Variants in DYNC2H1 observed in about 807,000 individuals in gnomAD.
The protein encoded by DYNC2H1 is dynein cytoplasmic 2 heavy chain 1.
In DYNC2H1, 410 loss-of-function variants were observed where a neutral mutation model predicts 570.0. The observed-to-expected ratio is 0.72, with a 90% CI of 0.66 to 0.78. DYNC2H1 has a LOEUF of 0.78. DYNC2H1 is among the 30% of genes least tolerant of loss of function. The probability of loss-of-function intolerance (pLI) is 0.00; values close to 1 mark genes in which losing one functional copy is unlikely to be tolerated. For missense variants in DYNC2H1, 4,865 were observed against 5,046.4 expected (o/e 0.96, Z 1.09); for synonymous variants, 1,688 against 1,677.6 (o/e 1.01, Z -0.15).
At position 103,170,351 on chromosome 11, in the gene DYNC2H1, A is replaced by G. The variant is rs2134964643; in HGVS notation, c.5151+61A>G. On this transcript the variant is annotated intron_variant, in intron 33 of 88. Transcript: ENST00000375735. The surrounding 1 kb of genome is among the most constrained non-coding windows in gnomAD (Gnocchi z 4.8). ...GTTAATCATATTTAGATTAGTTTCT[A>G]TTAGTATATGAAATACTCTACTTAA... 7.1e-7 allele frequency: 1 copy of G among 1,410,104 alleles called. No individual in the cohort carries two copies. Among genetic ancestry groups the G allele is most frequent in the Non-Finnish European group, 9.4e-7 (1 of 1,060,162 alleles). 87.3% of individuals were successfully genotyped at this position (1,410,104 alleles called of 1,614,324 possible). A position where few individuals can be genotyped will look rare whatever the true frequency, so the allele number is the denominator to read the frequency against.
chr11:103,386,941 A>T (rs1465530039), intron 83 of DYNC2H1, among the ~76,000 whole-genome samples: 1 of 151,706 alleles, frequency 6.6e-6, no homozygotes, highest in Admixed American at 6.6e-5. Context: ...TGCTATTGTG[A>T]ATAGTGCAGC....
chr11:103,350,997 T>C (rs1315445856), intron 82 of DYNC2H1, among the ~76,000 whole-genome samples: 1 of 152,152 alleles, frequency 6.6e-6, no homozygotes, highest in Non-Finnish European at 1.5e-5. Flanking sequence ...TTTCTAATAT[T>C]CCCAGTGCTT....
At chr11:103,416,638 C>T (rs1943293711) in intron 84 of DYNC2H1, among the ~76,000 whole-genome samples, 1 of 152,198 alleles carries the variant, frequency 6.6e-6, no homozygotes. Flanking sequence ...CCCTTCCTTA[C>T]ACCTTATACA....
chr11:103,275,486 C>A lies in DYNC2H1; in HGVS notation c.10696-4862C>A, dbSNP rs1042128489. 6.6e-6 allele frequency among the ~76,000 whole-genome samples: 1 copy of A among 152,150 alleles called. No homozygotes were observed. The highest frequency in any genetic ancestry group is 1.5e-5 in the Non-Finnish European group (1 of 68,030). On this transcript the variant is annotated intron_variant, in intron 70 of 88. Coordinates refer to ENST00000375735, the MANE Select transcript of DYNC2H1 (RefSeq NM_001377.3). The surrounding 1 kb of genome is among the most constrained non-coding windows in gnomAD (Gnocchi z 4.8). ...GTAGTTTCACTGCTCTTAAAATATT[C>A]TCTGCCTTATCATTCCTGCTCACTT...
intron 52 of DYNC2H1, among the ~76,000 whole-genome samples, chr11:103,208,541 A>G (rs1863026214): frequency 6.6e-6 from 1 of 152,168 alleles, no homozygotes; most frequent in African/African-American, 2.4e-5. Flanking sequence ...TGGCTGCTGC[A>G]CAGGGTATGT....
Position 103,324,825 on chromosome 11 carries a change from A to AC in DYNC2H1, c.12039+837dup, listed in dbSNP as rs1938387699. ...AATGGTTGATCTAATTTGCATTCCC[A>AC]CCAGTGGTGTGTAAGCATTCCCTTT... On this transcript the variant is annotated intron_variant, in intron 82 of 88. Transcript: ENST00000375735. This position sits in a 1 kb window ranked among gnomAD's most constrained non-coding sequence, Gnocchi z 5.2. Among the ~76,000 whole-genome samples the AC allele has an allele frequency of 6.6e-6, 1 of 152,096 alleles. No individual in the cohort carries two copies. Among genetic ancestry groups the AC allele is most frequent in the Admixed American group, 6.5e-5 (1 of 15,280 alleles).
intron 31 of DYNC2H1, among the ~76,000 whole-genome samples, chr11:103,168,254 T>C (rs2134956154): frequency 6.6e-6 from 1 of 152,110 alleles, no homozygotes; most frequent in South Asian, 2.1e-4. Flanking sequence ...GAGCTAGAGG[T>C]GGTTTTCTAG....
intron 63 of DYNC2H1, among the ~76,000 whole-genome samples, chr11:103,238,751 A>G (rs1864316800): frequency 6.6e-6 from 1 of 152,220 alleles, no homozygotes; most frequent in Non-Finnish European, 1.5e-5. Flanking sequence ...ATTGAAGTGC[A>G]TGTATTGCCG....
At chr11:103,316,686 T>A in intron 80 of DYNC2H1, 66 bp downstream of exon 80, 6 of 1,249,208 alleles carry the variant, frequency 4.8e-6, no homozygotes, top group Non-Finnish European at 6.4e-6. Context: ...TTATTAACTA[T>A]GTTTTCTTCA....
intron 28 of DYNC2H1, among the ~76,000 whole-genome samples, chr11:103,159,813 C>CAA (rs781423259): frequency 1.8e-4 from 27 of 152,158 alleles, no homozygotes; most frequent in Non-Finnish European, 3.5e-4. Flanking sequence ...CAAGGATCAG[C>CAA]AAAATATAAC....
At chr11:103,372,419 T>C (rs1026616596) in intron 83 of DYNC2H1, among the ~76,000 whole-genome samples, 3 of 152,188 alleles carry the variant, frequency 2.0e-5, no homozygotes, top group African/African-American at 7.2e-5. Context: ...TGTTTCAATT[T>C]GTTGATAGTT....
At chr11:103,417,342 C>T (rs1394076231) in intron 84 of DYNC2H1, among the ~76,000 whole-genome samples, 1 of 151,946 alleles carries the variant, frequency 6.6e-6, no homozygotes, top group Non-Finnish European at 1.5e-5. Context: ...ACCTCATGAT[C>T]TGTCTGCCTC....
chr11:103,302,685 C>A (rs1214984169), intron 75 of DYNC2H1, among the ~76,000 whole-genome samples: 2 of 152,044 alleles, frequency 1.3e-5, no homozygotes, highest in East Asian at 3.9e-4. Flanking sequence ...ACTCAACTAT[C>A]ATATCAGTTA....
chr11:103,257,752 G>A lies in DYNC2H1; in HGVS notation c.10605+1G>A. On this transcript the variant is annotated splice_donor_variant, in intron 69 of 88. Coordinates refer to ENST00000375735, the MANE Select transcript of DYNC2H1 (RefSeq NM_001377.3). LOFTEE classifies it high-confidence loss of function. ...CCAACGAGCTCTACAAAACAAACAGGTAAGCTGTTGGATACCCTGTACCAG... is the reference window on the plus strand; with the variant it reads ...CCAACGAGCTCTACAAAACAAACAGATAAGCTGTTGGATACCCTGTACCAG... 1 of 1,582,676 alleles carries A rather than the reference G, an allele frequency of 6.3e-7. No individual in the cohort carries two copies.
At chr11:103,313,813 T>C (rs1342479291) in intron 79 of DYNC2H1, among the ~76,000 whole-genome samples, 1 of 152,148 alleles carries the variant, frequency 6.6e-6, no homozygotes, top group Non-Finnish European at 1.5e-5. Flanking sequence ...TAAACAATAA[T>C]AGCATTGTGT....
chr11:103,258,910 T>G (rs1267151233), intron 69 of DYNC2H1, among the ~76,000 whole-genome samples: 1 of 152,322 alleles, frequency 6.6e-6, no homozygotes, highest in African/African-American at 2.4e-5. Context: ...TATGTGATCT[T>G]TGTTAACATA....
rs1332438332 is a variant in DYNC2H1 at position 103,168,842 on chromosome 11, A to G, written c.4850A>G (p.Gln1617Arg). Residue 1617 changes from glutamine to arginine, a missense_variant, in exon 32 of 89, where the codon CAG becomes CGG. Around this residue, in one of 5 missense-constraint regions of DYNC2H1, gnomAD observed 1,936 missense variants for 1,962.1 expected, o/e 0.99. Transcript: ENST00000375735. ...GTGGTAAAGCAGTTAAACCAAATTC[A>G]GGTTCATACAACTGAAGACTGGGCT... Reference protein sequence around the residue: ...IDVVKQLNQIQVHTTEDWAWK... With the variant: ...IDVVKQLNQIRVHTTEDWAWK... 1 of 1,613,264 alleles carries G rather than the reference A, an allele frequency of 6.2e-7. No individual in the cohort carries two copies. The highest frequency in any genetic ancestry group is 1.3e-5 in the African/African-American group (1 of 74,922).
intron 83 of DYNC2H1, among the ~76,000 whole-genome samples, chr11:103,392,355 G>C (rs541523543): frequency 1.2e-3 from 185 of 152,358 alleles, no homozygotes; most frequent in African/African-American, 4.3e-3. Flanking sequence ...GAAAAGCACA[G>C]TATTAGGTTG....
intron 84 of DYNC2H1, chr11:103,407,981 A>T (rs1709163): frequency 6.6e-6 from 1 of 151,870 alleles, no homozygotes; most frequent in South Asian, 2.1e-4. Context: ...GCTACAGCTC[A>T]TAATGCACTG....
Sources: gnomAD v4.1 joint callset for allele counts (sites outside exome capture counted in the v4.1 genomes callset) on GRCh38, gnomAD v4.1.1 for gene constraint, gnomAD v4.1.1 regional missense constraint, Gnocchi (gnomAD v3.1) non-coding constraint, MANE v1.5 for transcripts, NCBI Gene and HGNC (gene_info 2026-07-23, HGNC 2026-07-21) for gene names.